The following DNAJC3 variants were observed in gnomAD, a reference collection of about 807,000 sequenced individuals.
The protein encoded by DNAJC3 is DnaJ heat shock protein family (Hsp40) member C3, also known as dnaJ homolog subfamily C member 3.
In DNAJC3, 38 loss-of-function variants were observed where a neutral mutation model predicts 68.6. The ratio of observed to expected loss-of-function variants is 0.55; its 90% CI spans 0.43 to 0.73. The LOEUF (loss-of-function observed/expected upper bound fraction) is 0.73, where lower values mean the gene tolerates loss of function less well. Among genes scored for constraint, DNAJC3 ranks in the 30% least tolerant of loss-of-function variants. The pLI is 0.00. For missense variants in DNAJC3, 526 were observed against 591.9 expected, an observed-to-expected ratio of 0.89 and a Z score of 1.16; for synonymous variants, 203 against 204.0, an observed-to-expected ratio of 1.00 and a Z score of 0.04.
At chr13:95,748,066 T>C (rs1010099243) in intron 4 of DNAJC3, among the ~76,000 whole-genome samples, 2 of 152,192 alleles carry the variant, frequency 1.3e-5, no homozygotes, top group Non-Finnish European at 2.9e-5. Flanking sequence ...CTAAGTGCAG[T>C]TTAAACTCAT....
At chr13:95,783,905 C>G (rs919772250) in intron 9 of DNAJC3, among the ~76,000 whole-genome samples, 1 of 152,118 alleles carries the variant, frequency 6.6e-6, no homozygotes, top group African/African-American at 2.4e-5. Flanking sequence ...TAGTGTGCTT[C>G]CCACCTTGCA....
chr13:95,787,281 G>A, intron 11 of DNAJC3, 126 bp downstream of exon 11: 1 of 1,234,860 alleles, frequency 8.1e-7, no homozygotes, highest in South Asian at 1.8e-5. Flanking sequence ...AGTTCCAGAG[G>A]TCCAGTTTTA....
At chr13:95,679,901 G>C (rs1032806705) in intron 1 of DNAJC3, among the ~76,000 whole-genome samples, 5 of 152,174 alleles carry the variant, frequency 3.3e-5, no homozygotes, top group African/African-American at 4.8e-5. Flanking sequence ...ATGGGGAAGA[G>C]ATAACCTAGT....
At chr13:95,724,594 G>A (rs1881444598) in intron 3 of DNAJC3, among the ~76,000 whole-genome samples, 1 of 152,158 alleles carries the variant, frequency 6.6e-6, no homozygotes, top group Admixed American at 6.6e-5. Flanking sequence ...AAGTTGTGCA[G>A]TGGTCACCAC....
intron 4 of DNAJC3, among the ~76,000 whole-genome samples, chr13:95,749,365 C>T (rs1417390091): frequency 2.0e-5 from 3 of 152,280 alleles, no homozygotes; most frequent in Non-Finnish European, 1.5e-5. Context: ...AGATTCATCC[C>T]TCTTTGAGAG....
intron 1 of DNAJC3, among the ~76,000 whole-genome samples, chr13:95,706,076 C>G (rs963585354): frequency 9.2e-5 from 14 of 152,150 alleles, no homozygotes; most frequent in Non-Finnish European, 1.5e-4. Flanking sequence ...TTTCAGTCAG[C>G]CAATCAAGTA....
intron 1 of DNAJC3, among the ~76,000 whole-genome samples, chr13:95,704,915 G>T (rs1384433364): frequency 1.4e-5 from 2 of 144,888 alleles, no homozygotes; most frequent in African/African-American, 5.3e-5. Context: ...GCAGTGGCAT[G>T]ATCTCAGCTC....
chr13:95,784,734 T>TA (rs1298160708), intron 9 of DNAJC3, among the ~76,000 whole-genome samples: 2 of 152,146 alleles, frequency 1.3e-5, no homozygotes, highest in Non-Finnish European at 2.9e-5. Context: ...TCAGCAAACT[T>TA]TTCTAAGGAT....
intron 9 of DNAJC3, among the ~76,000 whole-genome samples, chr13:95,767,993 C>T (rs1488938291): frequency 6.6e-6 from 1 of 152,124 alleles, no homozygotes; most frequent in African/African-American, 2.4e-5. Flanking sequence ...GCGTGAGCTA[C>T]ACTGCTCAGC....
intron 4 of DNAJC3, among the ~76,000 whole-genome samples, chr13:95,732,778 T>C (rs562086669): frequency 1.4e-5 from 2 of 148,050 alleles, no homozygotes; most frequent in Admixed American, 6.6e-5. Flanking sequence ...ATTTGAAATC[T>C]TTTTTTTTAT....
At chr13:95,768,457 G>A (rs1883069198) in intron 9 of DNAJC3, among the ~76,000 whole-genome samples, 1 of 152,166 alleles carries the variant, frequency 6.6e-6, no homozygotes, top group Non-Finnish European at 1.5e-5. Context: ...AGCTGTTATT[G>A]AAGTGTTACT....
At chr13:95,710,735 G>A (rs984997355) in intron 2 of DNAJC3, among the ~76,000 whole-genome samples, 3 of 152,120 alleles carry the variant, frequency 2.0e-5, no homozygotes, top group Non-Finnish European at 4.4e-5. Context: ...CATCCAGGCT[G>A]GAGTGCAGTC....
rs747365041 is a variant in DNAJC3 at position 95,786,086 on chromosome 13, TA to T, written c.1208+19del. 52 of 1,583,604 alleles carry T rather than the reference TA, an allele frequency of 3.3e-5. No homozygotes were observed. In the South Asian group the frequency reaches 6.1e-4, roughly 19 times the overall value. The stretch of plus-strand genomic sequence containing the variant: ...GGAGTAAAAAGGTGAATTATTAATT[TA>T]AAATTTACTTTGCTATTTTTAATCA... On this transcript the variant is annotated intron_variant, in intron 10 of 11. Transcript: ENST00000602402.
chr13:95,785,644 T>C (rs920583319), intron 9 of DNAJC3, among the ~76,000 whole-genome samples: 4 of 151,064 alleles, frequency 2.6e-5, no homozygotes, highest in Non-Finnish European at 5.9e-5. Context: ...TTTTTTTTTT[T>C]AGTAGAGACG....
chr13:95,755,187 G>A lies in DNAJC3; in HGVS notation c.394-2457G>A, dbSNP rs1271999223. On this transcript the variant is annotated intron_variant, in intron 4 of 11. Transcript: ENST00000602402. ...CTCAGACGGGCACAGTGGCTCATAT[G>A]TGTAATCCCGTGCTTTGGAAGGCTG... Among the ~76,000 whole-genome samples the A allele has an allele frequency of 5.3e-5, 8 of 152,222 alleles. No homozygotes were observed. In the East Asian group the frequency reaches 1.4e-3, roughly 26 times the overall value.
At chr13:95,768,768 A>G (rs1173939975) in intron 9 of DNAJC3, among the ~76,000 whole-genome samples, 1 of 151,928 alleles carries the variant, frequency 6.6e-6, no homozygotes, top group Non-Finnish European at 1.5e-5. Context: ...TGAGGTCAGG[A>G]GTTCGAGACC....
intron 5 of DNAJC3, 65 bp downstream of exon 5, chr13:95,757,861 C>T (rs3087339): frequency 0.24 from 340,861 of 1,417,124 alleles, 52,617 homozygotes; most frequent in African/African-American, 0.69. Context: ...TTATATACTT[C>T]GACATGTCAC....
intron 4 of DNAJC3, among the ~76,000 whole-genome samples, chr13:95,740,677 C>T (rs866875664): frequency 3.3e-5 from 5 of 151,646 alleles, no homozygotes; most frequent in African/African-American, 4.8e-5. Flanking sequence ...GGCTCGCGCA[C>T]GGTGCACGCA....
chr13:95,708,303 C>A (rs116243306), intron 1 of DNAJC3, among the ~76,000 whole-genome samples: 1 of 152,138 alleles, frequency 6.6e-6, no homozygotes, highest in Non-Finnish European at 1.5e-5. Context: ...GAATTCAGAG[C>A]GGAGAGGCAA....
Sources: allele counts gnomAD v4.1 joint callset (sites outside exome capture counted in the v4.1 genomes callset), GRCh38; gene constraint gnomAD v4.1.1; transcripts MANE v1.5; gene names NCBI Gene and HGNC (gene_info 2026-07-23, HGNC 2026-07-21).